The following BLTP1 variants were observed in gnomAD, a reference collection of about 807,000 sequenced individuals.
BLTP1 encodes bridge-like lipid transfer protein family member 1.
At chr4:122,358,406 T>C in the BLTP1 span, among the ~76,000 whole-genome samples, 1 of 152,092 alleles carries the variant, frequency 6.6e-6, no homozygotes, top group Non-Finnish European at 1.5e-5. Context: ...GAAAAGGGGG[T>C]GGATTTACAA....
the BLTP1 span, among the ~76,000 whole-genome samples, chr4:122,293,641 T>C: frequency 6.6e-6 from 1 of 151,986 alleles, no homozygotes; most frequent in Non-Finnish European, 1.5e-5. Flanking sequence ...TTTTGCATAC[T>C]CTGGCCCTGG....
the BLTP1 span, chr4:122,257,421 G>T: frequency 6.2e-7 from 1 of 1,613,998 alleles, no homozygotes; most frequent in Non-Finnish European, 8.5e-7. Flanking sequence ...CATGAAGATG[G>T]ACTTGGATTG....
the BLTP1 span, among the ~76,000 whole-genome samples, chr4:122,209,576 C>T: frequency 6.6e-6 from 1 of 152,068 alleles, no homozygotes; most frequent in Non-Finnish European, 1.5e-5. Flanking sequence ...ACCCAGGAGG[C>T]GGAGGTTGCA....
the BLTP1 span, chr4:122,292,609 TTAAG>T: frequency 2.1e-6 from 2 of 931,734 alleles, no homozygotes; most frequent in South Asian, 5.0e-5. Flanking sequence ...TTCGCTCTAC[TTAAG>T]TAAGTGAAAA....
the BLTP1 span, chr4:122,162,577 G>A: frequency 4.1e-6 from 4 of 985,368 alleles, no homozygotes; most frequent in Non-Finnish European, 4.8e-6. Flanking sequence ...GGGGATTTGG[G>A]TCAAGCTGTG....
At chr4:122,208,553 A>T in the BLTP1 span, 11 of 945,184 alleles carry the variant, frequency 1.2e-5, no homozygotes, top group African/African-American at 1.8e-5. Context: ...TATAGAACAT[A>T]GTCCACCTGA....
chr4:122,192,225 A>G, the BLTP1 span: 2 of 1,612,396 alleles, frequency 1.2e-6, no homozygotes, highest in Non-Finnish European at 1.7e-6. Flanking sequence ...GTTCTGGAAT[A>G]TAGGACTTGT....
At chr4:122,286,573 A>G in the BLTP1 span, 1 of 1,614,082 alleles carries the variant, frequency 6.2e-7, no homozygotes, top group Non-Finnish European at 8.5e-7. Context: ...TGAGCTGCCA[A>G]ATCACAGATT....
chr4:122,173,124 A>G, the BLTP1 span: 1 of 1,611,724 alleles, frequency 6.2e-7, no homozygotes, highest in Non-Finnish European at 8.5e-7. Context: ...TTCTTAACAG[A>G]TTATACAAGC....
chr4:122,299,943 T>G, the BLTP1 span: 5 of 984,026 alleles, frequency 5.1e-6, no homozygotes, highest in South Asian at 1.4e-4. Context: ...AGGCAGGCAC[T>G]AAGTGTACAA....
chr4:122,193,826 T>C, the BLTP1 span: 3 of 167,622 alleles, frequency 1.8e-5, no homozygotes, highest in African/African-American at 7.2e-5. Flanking sequence ...AAGTGCCATC[T>C]AGCTAGCATT....
the BLTP1 span, among the ~76,000 whole-genome samples, chr4:122,357,340 A>G: frequency 6.6e-6 from 1 of 152,068 alleles, no homozygotes; most frequent in African/African-American, 2.4e-5. Flanking sequence ...AGGAGGATGG[A>G]CTGCTTGAGC....
At chr4:122,296,966 C>G in the BLTP1 span, among the ~76,000 whole-genome samples, 1 of 152,016 alleles carries the variant, frequency 6.6e-6, no homozygotes, top group Non-Finnish European at 1.5e-5. Context: ...CTATAAAAAC[C>G]CTAGAAGAAA....
At chr4:122,237,156 G>C in the BLTP1 span, 13 of 984,982 alleles carry the variant, frequency 1.3e-5, no homozygotes, top group African/African-American at 2.1e-4. Flanking sequence ...ACTGCATTCT[G>C]TTCACAGAGA....
chr4:122,198,562 T>C, the BLTP1 span: 3 of 456,400 alleles, frequency 6.6e-6, no homozygotes, highest in South Asian at 2.8e-4. Context: ...AGTAAAGGAG[T>C]CACCTGAGGA....
chr4:122,344,699 C>A, the BLTP1 span: 1 of 1,216,048 alleles, frequency 8.2e-7, no homozygotes, highest in Non-Finnish European at 1.1e-6. Flanking sequence ...AGAGGAATGC[C>A]CAGCCTACGG....
At chr4:122,305,768 G>A in the BLTP1 span, 3 of 1,360,892 alleles carry the variant, frequency 2.2e-6, no homozygotes, top group African/African-American at 4.4e-5. Context: ...CTGAATTTGA[G>A]AAAAATGTAT....
At chr4:122,262,483 G>A in the BLTP1 span, among the ~76,000 whole-genome samples, 14 of 150,928 alleles carry the variant, frequency 9.3e-5, no homozygotes, top group African/African-American at 3.0e-4. Flanking sequence ...ATTAAGAAGG[G>A]AATTAAAGAT....
At chr4:122,222,126 G>A in the BLTP1 span, among the ~76,000 whole-genome samples, 5,461 of 152,152 alleles carry the variant, frequency 0.036, 346 homozygotes, top group African/African-American at 0.12. Context: ...AACTTACCCC[G>A]AAGACAAAGG....
Sources: allele counts gnomAD v4.1 joint callset (sites outside exome capture counted in the v4.1 genomes callset), GRCh38; gene constraint gnomAD v4.1.1; transcripts MANE v1.5; gene names NCBI Gene and HGNC (gene_info 2026-07-23, HGNC 2026-07-21).